The following SMYD3 variants were observed in gnomAD, a reference collection of about 807,000 sequenced individuals.
SMYD3 encodes histone-lysine N-methyltransferase SMYD3.
A neutral mutation model predicts 57.7 loss-of-function variants in SMYD3; 36 were observed. The observed-to-expected ratio is 0.62, with a 90% CI of 0.48 to 0.82. The LOEUF (loss-of-function observed/expected upper bound fraction) is 0.82. Ranked by LOEUF, SMYD3 falls within the 40% of genes least tolerant of loss-of-function variation. SMYD3 has a pLI of 0.00. For missense variants in SMYD3, 515 were observed against 538.8 expected (o/e 0.96, Z 0.44); for synonymous variants, 211 against 195.0 (o/e 1.08, Z -0.68).
intron 5 of SMYD3, among the ~76,000 whole-genome samples, chr1:246,288,092 G>A (rs1458893676): frequency 3.2e-5 from 1 of 31,688 alleles, no homozygotes; most frequent in Admixed American, 4.2e-4. Flanking sequence ...TTTTTTTTTT[G>A]AGATGGAGTT....
At chr1:245,787,340 G>C (rs7555819) in intron 10 of SMYD3, among the ~76,000 whole-genome samples, 1 of 151,932 alleles carries the variant, frequency 6.6e-6, no homozygotes, top group Admixed American at 6.6e-5. Context: ...CTTCAGGCTC[G>C]TAAGTTCCCG....
intron 5 of SMYD3, among the ~76,000 whole-genome samples, chr1:245,967,860 G>A (rs1027083035): frequency 6.6e-6 from 1 of 152,190 alleles, no homozygotes; most frequent in Non-Finnish European, 1.5e-5. Context: ...AAGGCAACAG[G>A]CAGGAGAGTG....
At chr1:245,879,738 G>A (rs1165495366) in intron 8 of SMYD3, among the ~76,000 whole-genome samples, 1 of 152,206 alleles carries the variant, frequency 6.6e-6, no homozygotes, top group Non-Finnish European at 1.5e-5. Flanking sequence ...CCACTCTGAA[G>A]AACTGAGAGA....
chr1:246,001,966 G>C (rs1405629247), intron 5 of SMYD3, among the ~76,000 whole-genome samples: 1 of 152,060 alleles, frequency 6.6e-6, no homozygotes, highest in Non-Finnish European at 1.5e-5. Flanking sequence ...CTCTGGTTCT[G>C]GGCGATCCCC....
At chr1:246,231,484 T>C (rs2063408479) in intron 5 of SMYD3, among the ~76,000 whole-genome samples, 1 of 152,250 alleles carries the variant, frequency 6.6e-6, no homozygotes, top group Non-Finnish European at 1.5e-5. Context: ...GAAAAGTTTC[T>C]ACATAGTAAC....
intron 1 of SMYD3, among the ~76,000 whole-genome samples, chr1:246,403,792 T>G (rs2066814117): frequency 6.6e-6 from 1 of 152,198 alleles, no homozygotes; most frequent in Non-Finnish European, 1.5e-5. Flanking sequence ...ATTTTTAAAT[T>G]TCATAAGACT....
At chr1:246,332,543 C>T (rs1247611358) in intron 3 of SMYD3, among the ~76,000 whole-genome samples, 1 of 152,230 alleles carries the variant, frequency 6.6e-6, no homozygotes. Context: ...CGGTGGCTTA[C>T]GCCCACAATC....
intron 5 of SMYD3, among the ~76,000 whole-genome samples, chr1:246,242,302 A>C (rs933340219): frequency 4.6e-5 from 7 of 152,262 alleles, no homozygotes; most frequent in Admixed American, 4.6e-4. Flanking sequence ...CTTCGTTCTC[A>C]TCAGTTTCAA....
chr1:246,022,252 A>T (rs537251709), intron 5 of SMYD3, among the ~76,000 whole-genome samples: 1 of 152,370 alleles, frequency 6.6e-6, no homozygotes, highest in South Asian at 2.1e-4. Flanking sequence ...GTTCTCAAAC[A>T]TTAAAATGCA....
chr1:245,785,121 A>T (rs1232013098), intron 10 of SMYD3, among the ~76,000 whole-genome samples: 1 of 150,492 alleles, frequency 6.6e-6, no homozygotes, highest in Non-Finnish European at 1.5e-5. Flanking sequence ...ACCTCAAGTG[A>T]TCCACCCGCC....
At chr1:246,131,674 C>T (rs2061590694) in intron 5 of SMYD3, among the ~76,000 whole-genome samples, 1 of 152,184 alleles carries the variant, frequency 6.6e-6, no homozygotes, top group Non-Finnish European at 1.5e-5. Context: ...CTCCTGACTA[C>T]ACAAATTGTT....
At chr1:246,158,853 C>T (rs1161160562) in intron 5 of SMYD3, among the ~76,000 whole-genome samples, 1 of 152,160 alleles carries the variant, frequency 6.6e-6, no homozygotes, top group Non-Finnish European at 1.5e-5. Flanking sequence ...ACCTGCTTTA[C>T]ATCAGCATAG....
At chr1:245,921,911 C>T (rs147405571) in intron 7 of SMYD3, among the ~76,000 whole-genome samples, 1 of 152,200 alleles carries the variant, frequency 6.6e-6, no homozygotes, top group East Asian at 1.9e-4. Context: ...TGGGATTCAT[C>T]ACACCCCAAA....
At chr1:246,061,853 C>T (rs55912974) in intron 5 of SMYD3, among the ~76,000 whole-genome samples, 25,988 of 152,164 alleles carry the variant, frequency 0.17, 2,744 homozygotes, top group East Asian at 0.39. Context: ...GGCACTATTA[C>T]AAAGACGTGC....
chr1:246,060,978 A>T (rs773976936), intron 5 of SMYD3, among the ~76,000 whole-genome samples: 2 of 152,200 alleles, frequency 1.3e-5, no homozygotes, highest in African/African-American at 4.8e-5. Context: ...CTCTAATCTC[A>T]GCACTTTGGG....
intron 1 of SMYD3, among the ~76,000 whole-genome samples, chr1:246,384,645 C>T (rs1310740915): frequency 6.6e-6 from 1 of 152,196 alleles, no homozygotes; most frequent in Non-Finnish European, 1.5e-5. Flanking sequence ...GATCTGCCCG[C>T]CTCGGCCTCC....
intron 5 of SMYD3, among the ~76,000 whole-genome samples, chr1:246,287,847 T>C (rs1210117121): frequency 1.3e-5 from 2 of 152,162 alleles, no homozygotes; most frequent in East Asian, 1.9e-4. Context: ...AGAGAAAATG[T>C]GCTTTCTAAA....
rs1572398863 is a variant in SMYD3 at position 245,809,528 on chromosome 1, T to C, written c.1077-45379A>G. Among the ~76,000 whole-genome samples the C allele has an allele frequency of 2.0e-5, 3 of 152,182 alleles. No individual in the cohort carries two copies. In the East Asian group the frequency reaches 5.8e-4, roughly 29 times the overall value. On this transcript the variant is annotated intron_variant, in intron 10 of 11. Transcript: ENST00000490107. ...GTGCCCCTCCCTGAGAACCCTGCTG[T>C]TGTTCCTTTGTGTGGCAGCTGGTCA...
chr1:246,284,266 G>A (rs2064510424), intron 5 of SMYD3, among the ~76,000 whole-genome samples: 1 of 152,150 alleles, frequency 6.6e-6, no homozygotes, highest in Non-Finnish European at 1.5e-5. Flanking sequence ...GCAGAACAAA[G>A]AAAGCAGCAG....
Sources: allele counts gnomAD v4.1 joint callset (sites outside exome capture counted in the v4.1 genomes callset), GRCh38; gene constraint gnomAD v4.1.1; transcripts MANE v1.5; gene names NCBI Gene and HGNC (gene_info 2026-07-23, HGNC 2026-07-21).